QTGAL: variants seen among roughly 807,000 people sequenced by gnomAD.
QTGAL encodes the protein BGnT-like protein 1.
chr17:83,050,570 A>G, the QTGAL span, among the ~76,000 whole-genome samples: 3 of 151,580 alleles, frequency 2.0e-5, no homozygotes, highest in Non-Finnish European at 4.4e-5. Flanking sequence ...AAAAGGCTGG[A>G]AAAAAAACAA....
the QTGAL span, among the ~76,000 whole-genome samples, chr17:82,982,106 AAG>A: frequency 6.9e-4 from 15 of 21,682 alleles, no homozygotes; most frequent in African/African-American, 4.5e-3. Flanking sequence ...GTGATGGGCC[AAG>A]CGGGTGGAGG....
At chr17:82,969,167 T>C in the QTGAL span, among the ~76,000 whole-genome samples, 2 of 151,850 alleles carry the variant, frequency 1.3e-5, no homozygotes, top group African/African-American at 4.8e-5. Context: ...AAATTTATTT[T>C]GTTTTGTTTT....
chr17:83,049,178 G>A, the QTGAL span: 3 of 190,332 alleles, frequency 1.6e-5, no homozygotes, highest in East Asian at 1.6e-4. Context: ...GCGTGAACCC[G>A]GGAGGCGGAG....
chr17:82,984,987 T>C, the QTGAL span, among the ~76,000 whole-genome samples: 1 of 152,088 alleles, frequency 6.6e-6, no homozygotes, highest in Non-Finnish European at 1.5e-5. Context: ...CAAGGCAACC[T>C]GGGAAGCCGG....
chr17:83,002,506 AC>A, the QTGAL span, among the ~76,000 whole-genome samples: 1 of 152,206 alleles, frequency 6.6e-6, no homozygotes, highest in African/African-American at 2.4e-5. Context: ...TCACCAGGAC[AC>A]GCGCCCTCGG....
At chr17:83,046,162 C>T in the QTGAL span, among the ~76,000 whole-genome samples, 1 of 151,940 alleles carries the variant, frequency 6.6e-6, no homozygotes, top group Non-Finnish European at 1.5e-5. Flanking sequence ...TGGAGTCTCA[C>T]TCTGTCACCC....
At chr17:82,967,423 TGTC>T in the QTGAL span, among the ~76,000 whole-genome samples, 1 of 152,048 alleles carries the variant, frequency 6.6e-6, no homozygotes, top group Non-Finnish European at 1.5e-5. Flanking sequence ...ACTTTCTGCT[TGTC>T]GTCCATCCTG....
chr17:83,040,850 G>A, the QTGAL span, among the ~76,000 whole-genome samples: 2 of 152,164 alleles, frequency 1.3e-5, no homozygotes, highest in African/African-American at 4.8e-5. Context: ...CGGATCACAA[G>A]GTCAGGAGAT....
the QTGAL span, chr17:82,947,263 C>T: frequency 8.8e-6 from 4 of 452,428 alleles, no homozygotes; most frequent in African/African-American, 2.0e-5. Flanking sequence ...TGGGGGCACT[C>T]GGAATGGAAT....
the QTGAL span, among the ~76,000 whole-genome samples, chr17:83,045,241 A>G: frequency 2.0e-5 from 3 of 152,240 alleles, no homozygotes; most frequent in Non-Finnish European, 4.4e-5. Context: ...ACAGACATAT[A>G]GACCAACGGA....
At chr17:82,984,194 C>T in the QTGAL span, among the ~76,000 whole-genome samples, 11 of 75,056 alleles carry the variant, frequency 1.5e-4, no homozygotes, top group East Asian at 2.5e-3. Flanking sequence ...TATGATCACG[C>T]AGGGGAGAGG....
the QTGAL span, among the ~76,000 whole-genome samples, chr17:82,988,025 T>C: frequency 6.6e-6 from 1 of 152,204 alleles, no homozygotes; most frequent in South Asian, 2.1e-4. Context: ...TTTATTCTCT[T>C]TGTAGCAATT....
At chr17:83,014,460 C>A in the QTGAL span, 1 of 1,613,976 alleles carries the variant, frequency 6.2e-7, no homozygotes, top group Non-Finnish European at 8.5e-7. Context: ...TTACGCTCGA[C>A]GGGTGCTGAA....
chr17:82,996,685 C>T, the QTGAL span, among the ~76,000 whole-genome samples: 1 of 152,250 alleles, frequency 6.6e-6, no homozygotes, highest in South Asian at 2.1e-4. Context: ...ATGGTACTTG[C>T]ATAAAAACAG....
the QTGAL span, among the ~76,000 whole-genome samples, chr17:82,998,983 A>C: frequency 6.6e-6 from 1 of 151,568 alleles, no homozygotes; most frequent in African/African-American, 2.4e-5. Flanking sequence ...AAAAGATCAT[A>C]TCAAGAGTTG....
At chr17:82,987,185 A>T in the QTGAL span, among the ~76,000 whole-genome samples, 1 of 152,252 alleles carries the variant, frequency 6.6e-6, no homozygotes, top group South Asian at 2.1e-4. Flanking sequence ...GCATGCCTTT[A>T]TCAAAATATC....
chr17:83,039,818 G>GC, the QTGAL span, among the ~76,000 whole-genome samples: 8 of 152,218 alleles, frequency 5.3e-5, no homozygotes, highest in Non-Finnish European at 1.0e-4. Context: ...CGTCTTCTGA[G>GC]CCCCAGGGCA....
chr17:82,965,282 G>A, the QTGAL span, among the ~76,000 whole-genome samples: 13 of 151,844 alleles, frequency 8.6e-5, no homozygotes, highest in Admixed American at 2.0e-4. Context: ...TGCACCCCCG[G>A]GGGGAGGATG....
At chr17:83,020,079 AAC>A in the QTGAL span, among the ~76,000 whole-genome samples, 22 of 152,368 alleles carry the variant, frequency 1.4e-4, no homozygotes, top group African/African-American at 4.3e-4. Context: ...AATTAAGCAT[AAC>A]ACAGACAAAT....
Sources: allele counts gnomAD v4.1 joint callset (sites outside exome capture counted in the v4.1 genomes callset), GRCh38; gene constraint gnomAD v4.1.1; transcripts MANE v1.5; gene names NCBI Gene and HGNC (gene_info 2026-07-23, HGNC 2026-07-21).